PCDHGB7: variants seen among roughly 807,000 people sequenced by gnomAD.
PCDHGB7 encodes protocadherin gamma subfamily B, 7.
Under a neutral mutation model 61.4 loss-of-function variants are expected in PCDHGB7, and 37 were observed. The ratio of observed to expected loss-of-function variants is 0.60; its 90% CI spans 0.46 to 0.79. The LOEUF (loss-of-function observed/expected upper bound fraction) is 0.79. PCDHGB7 is among the 30% of genes least tolerant of loss of function. The probability of loss-of-function intolerance (pLI) is 0.00; values close to 1 mark genes in which losing one functional copy is unlikely to be tolerated. For missense variants in PCDHGB7, 1,166 were observed against 1,202.5 expected (o/e 0.97, Z 0.45); for synonymous variants, 464 against 503.5 (o/e 0.92, Z 1.05).
At position 141,418,908 on chromosome 5, in the gene PCDHGB7, C is replaced by T. The variant is rs1037628215; in HGVS notation, c.1049C>T (p.Thr350Met). 6.2e-7 allele frequency: 1 copy of T among 1,613,814 alleles called. No homozygotes were observed. Among genetic ancestry groups the T allele is most frequent in the Non-Finnish European group, 8.5e-7 (1 of 1,179,814 alleles). Residue 350 changes from threonine (T) to methionine (M), a missense_variant, in exon 1 of 4, where the codon ACG (threonine) becomes ATG (methionine). Physicochemically the swap from Thr to Met is moderately conservative, Grantham distance 81. Coordinates refer to ENST00000398594, the MANE Select transcript of PCDHGB7 (RefSeq NM_018927.4). Reference protein sequence around the residue: ...ENDNSPEIIITSLSDQIMEDS... With the variant: ...ENDNSPEIIIMSLSDQIMEDS... ...GACAACAGCCCAGAAATAATCATCACGTCACTCTCTGATCAGATTATGGAG... is the reference window on the plus strand; with the variant it reads ...GACAACAGCCCAGAAATAATCATCATGTCACTCTCTGATCAGATTATGGAG...
In PCDHGB7 at chr5:141,477,074, A is replaced by G; in HGVS notation, c.2416-17733A>G. Reference sequence around the variant, plus strand: ...CTTCGAGGACACCAAACTCCATGAGATTTACATCCAGGCCAAAGACAAGGG... The same window carrying G: ...CTTCGAGGACACCAAACTCCATGAGGTTTACATCCAGGCCAAAGACAAGGG... On this transcript the variant is annotated intron_variant, in intron 1 of 3. Coordinates refer to ENST00000398594, the MANE Select transcript of PCDHGB7 (RefSeq NM_018927.4). This position sits in a 1 kb window ranked among gnomAD's most constrained non-coding sequence, Gnocchi z 4.9. 1 of 1,614,250 alleles carries G rather than the reference A, an allele frequency of 6.2e-7. No homozygotes were observed.
chr5:141,484,869 G>C (rs2154580238), intron 1 of PCDHGB7: 1 of 292,558 alleles, frequency 3.4e-6, no homozygotes, highest in African/African-American at 2.2e-5. Flanking sequence ...GGGGGAGCGT[G>C]GAGGATAGGG....
At chr5:141,422,806 C>T (rs868426196) in intron 1 of PCDHGB7, 2 of 1,614,208 alleles carry the variant, frequency 1.2e-6, no homozygotes, top group Non-Finnish European at 1.7e-6. Flanking sequence ...TGAGCAGTTT[C>T]GAGACTTAGA....
Position 141,487,007 on chromosome 5 carries a change from G to A in PCDHGB7, c.2416-7800G>A, listed in dbSNP as rs563548715. The A allele has an allele frequency of 3.1e-6, 5 of 1,614,206 alleles. No homozygotes were observed. In the South Asian group the frequency reaches 5.5e-5, roughly 18 times the overall value. ...TGCTTGGGTTTCCTATCAGCTCCTGGAGGCCCCAGATCCCAGCCTGTTTGC... is the reference window on the plus strand; with the variant it reads ...TGCTTGGGTTTCCTATCAGCTCCTGAAGGCCCCAGATCCCAGCCTGTTTGC... On this transcript the variant is annotated intron_variant, in intron 1 of 3. Transcript: ENST00000398594. This position sits in a 1 kb window ranked among gnomAD's most constrained non-coding sequence, Gnocchi z 5.0.
At position 141,476,791 on chromosome 5, in the gene PCDHGB7, C is replaced by A. The variant is rs766227340; in HGVS notation, c.2416-18016C>A. 1 of 1,613,512 alleles carries A rather than the reference C, an allele frequency of 6.2e-7. No individual in the cohort carries two copies. Among genetic ancestry groups the A allele is most frequent in the Non-Finnish European group, 8.5e-7 (1 of 1,180,014 alleles). On this transcript the variant is annotated intron_variant, in intron 1 of 3. Transcript: ENST00000398594. This position sits in a 1 kb window ranked among gnomAD's most constrained non-coding sequence, Gnocchi z 7.6. ...TGGACGGAGGGACCCCAGCTCTCTC[C>A]GCCAGCCTGCCTATTCACATCAAGG...
chr5:141,479,845 A>T (rs895639749), intron 1 of PCDHGB7, among the ~76,000 whole-genome samples: 4 of 152,210 alleles, frequency 2.6e-5, no homozygotes, highest in Admixed American at 1.3e-4. Flanking sequence ...ATGCAAGGTG[A>T]CTGCAAGGCC....
intron 1 of PCDHGB7, among the ~76,000 whole-genome samples, chr5:141,448,378 A>G (rs1288817591): frequency 6.6e-6 from 1 of 152,154 alleles, no homozygotes; most frequent in East Asian, 1.9e-4. Context: ...ATTTTTGAAT[A>G]GGAAATACAT....
chr5:141,420,496 G>T, intron 1 of PCDHGB7: 1 of 495,924 alleles, frequency 2.0e-6, no homozygotes, highest in Non-Finnish European at 3.1e-6. Context: ...GTAATCTCCG[G>T]TGACATTTTT....
rs2154591169 is a variant in PCDHGB7 at position 141,493,606 on chromosome 5, T to A, written c.2416-1201T>A. Among the ~76,000 whole-genome samples, 1 of 152,278 alleles carries A rather than the reference T, an allele frequency of 6.6e-6. No homozygotes were observed. Among genetic ancestry groups the A allele is most frequent in the Non-Finnish European group, 1.5e-5 (1 of 68,022 alleles). ...ACAATCACTGCATTTCCATGTAGAT[T>A]CTGCTGTGTCTAAGAATACAGTGGC... On this transcript the variant is annotated intron_variant, in intron 1 of 3. Transcript: ENST00000398594. This position sits in a 1 kb window ranked among gnomAD's most constrained non-coding sequence, Gnocchi z 4.3.
chr5:141,422,836 G>A, intron 1 of PCDHGB7: 1 of 1,614,250 alleles, frequency 6.2e-7, no homozygotes, highest in Middle Eastern at 1.6e-4. Flanking sequence ...GATAGCACGT[G>A]ACAGCGGGGA....
chr5:141,499,881 T>A (rs2099795027), intron 2 of PCDHGB7, among the ~76,000 whole-genome samples: 1 of 152,082 alleles, frequency 6.6e-6, no homozygotes, highest in African/African-American at 2.4e-5. Flanking sequence ...ACAAACAGGG[T>A]TTCGCCATGT....
intron 2 of PCDHGB7, among the ~76,000 whole-genome samples, chr5:141,496,955 G>T (rs2099772887): frequency 6.6e-6 from 1 of 152,006 alleles, no homozygotes; most frequent in African/African-American, 2.4e-5. Context: ...GGAGGCCAAG[G>T]TGGGTAGATC....
rs1453419469 is a variant in PCDHGB7, at chr5:141,505,501, G to A, written c.2563+20G>A. On this transcript the variant is annotated intron_variant, in intron 3 of 3. Transcript: ENST00000398594. ...CCAGTGGTAAGTGGTGTCAGTGTGT[G>A]TATGGAAGAGTGGGAGACCTGGGGT... The A allele has an allele frequency of 1.2e-6, 2 of 1,614,156 alleles. No homozygotes were observed. Among genetic ancestry groups the A allele is most frequent in the Non-Finnish European group, 1.7e-6 (2 of 1,179,970 alleles).
Position 141,485,183 on chromosome 5 carries a change from A to C in PCDHGB7, c.2416-9624A>C, listed in dbSNP as rs777796801. On this transcript the variant is annotated intron_variant, in intron 1 of 3. Transcript: ENST00000398594. This position sits in a 1 kb window ranked among gnomAD's most constrained non-coding sequence, Gnocchi z 5.7. ...TTAGCGGGCGGCAGCAATGCTCCGC[A>C]AGGTGAGAAGCTGGACAGAAATCTG... 1.9e-6 allele frequency: 3 copies of C among 1,613,248 alleles called. No individual in the cohort carries two copies. The highest frequency in any genetic ancestry group is 3.3e-5 in the Admixed American group (2 of 60,006).
At chr5:141,498,796 G>C (rs1160540093) in intron 2 of PCDHGB7, among the ~76,000 whole-genome samples, 1 of 152,032 alleles carries the variant, frequency 6.6e-6, no homozygotes, top group African/African-American at 2.4e-5. Context: ...AGCCAGGTGT[G>C]GTGGTGCACA....
Position 141,456,055 on chromosome 5 carries a change from G to A in PCDHGB7, c.2415+35781G>A, listed in dbSNP as rs78682041. On this transcript the variant is annotated intron_variant, in intron 1 of 3. Coordinates refer to ENST00000398594, the MANE Select transcript of PCDHGB7 (RefSeq NM_018927.4). Reference sequence around the variant, plus strand: ...TGGGACTACAGGCGCCCACCACCACGTCCGGCTAATTTTTTGTATTTTCAG... The same window carrying A: ...TGGGACTACAGGCGCCCACCACCACATCCGGCTAATTTTTTGTATTTTCAG... Among the ~76,000 whole-genome samples, 302 of 151,836 alleles carry A rather than the reference G, an allele frequency of 2.0e-3. 1 individual carries two copies. The highest frequency in any genetic ancestry group is 0.01 in the Middle Eastern group (3 of 292).
intron 1 of PCDHGB7, among the ~76,000 whole-genome samples, chr5:141,458,081 G>GTTT (rs1259527184): frequency 6.6e-6 from 1 of 152,186 alleles, no homozygotes; most frequent in Non-Finnish European, 1.5e-5. Flanking sequence ...CTATATTGCC[G>GTTT]TAAGTTAAGA....
chr5:141,510,847 A>C (rs1279701390), intron 3 of PCDHGB7, 100 bp from the exon 4 acceptor site: 1 of 1,595,232 alleles, frequency 6.3e-7, no homozygotes, highest in Non-Finnish European at 8.6e-7. Context: ...GTCAAGGCCC[A>C]GGGTGCTGTA....
Position 141,493,360 on chromosome 5 carries a change from G to T in PCDHGB7, c.2416-1447G>T, listed in dbSNP as rs1364095483. Reference sequence around the variant, plus strand: ...CAGAATGTGTGCTTTTAATTTCTTGGCACTTGGAACTTTAAAAGCTTGAGG... The same window carrying T: ...CAGAATGTGTGCTTTTAATTTCTTGTCACTTGGAACTTTAAAAGCTTGAGG... On this transcript the variant is annotated intron_variant, in intron 1 of 3. Transcript: ENST00000398594. This position sits in a 1 kb window ranked among gnomAD's most constrained non-coding sequence, Gnocchi z 4.3. Among the ~76,000 whole-genome samples the T allele has an allele frequency of 6.6e-6, 1 of 152,144 alleles. No individual in the cohort carries two copies. The highest frequency in any genetic ancestry group is 1.5e-5 in the Non-Finnish European group (1 of 68,022).
Sources: allele counts gnomAD v4.1 joint callset (sites outside exome capture counted in the v4.1 genomes callset), GRCh38; gene constraint gnomAD v4.1.1; non-coding constraint Gnocchi (gnomAD v3.1); transcripts MANE v1.5; gene names NCBI Gene and HGNC (gene_info 2026-07-23, HGNC 2026-07-21).